The following ACOT1 variants were observed in gnomAD, a reference collection of about 807,000 sequenced individuals.
The protein encoded by ACOT1 is acyl-CoA thioesterase 1.
Under a neutral mutation model 15.7 loss-of-function variants are expected in ACOT1, and 8 were observed. That is an observed-to-expected ratio of 0.51 (90% CI 0.30 to 0.92). ACOT1 has a LOEUF of 0.92. Ranked by LOEUF, ACOT1 falls within the 40% of genes least tolerant of loss-of-function variation. The pLI, the probability that ACOT1 is intolerant of heterozygous loss-of-function variation, is 0.06. For synonymous variants in ACOT1, 67 were observed against 241.2 expected (o/e 0.28, Z 6.69); for missense variants, 151 against 539.4 (o/e 0.28, Z 7.13).
chr14:73,506,569 G>C, the ACOT1 span: 5 of 1,611,354 alleles, frequency 3.1e-6, no homozygotes, highest in East Asian at 6.7e-5. Flanking sequence ...TGTGTATCAG[G>C]GTCTGAGGAA....
At chr14:73,492,929 C>G in the ACOT1 span, 1 of 1,612,780 alleles carries the variant, frequency 6.2e-7, no homozygotes, top group East Asian at 2.2e-5. This position sits in a 1 kb window ranked among gnomAD's most constrained non-coding sequence, Gnocchi z 4.9. Flanking sequence ...TAAGATGCCT[C>G]TAGCCCTAAA....
chr14:73,523,293 A>G, the ACOT1 span: 1 of 747,280 alleles, frequency 1.3e-6, no homozygotes, highest in Non-Finnish European at 2.1e-6. Flanking sequence ...ATAGCAGTTC[A>G]GAAAGAGAAT....
chr14:73,496,499 A>G, the ACOT1 span: 78 of 711,666 alleles, frequency 1.1e-4, no homozygotes, highest in Non-Finnish European at 1.9e-4. Flanking sequence ...AAGTACTTCT[A>G]TGGTGGGAAA....
At chr14:73,497,617 A>G in the ACOT1 span, among the ~76,000 whole-genome samples, 2 of 152,122 alleles carry the variant, frequency 1.3e-5, no homozygotes. Context: ...ATATATGAAT[A>G]ACTTAAAACC....
chr14:73,522,442 C>A, the ACOT1 span: 3 of 1,614,272 alleles, frequency 1.9e-6, no homozygotes, highest in Non-Finnish European at 2.5e-6. Context: ...ACTGCTGGCG[C>A]AGGAAGCTCT....
At chr14:73,524,318 T>A in the ACOT1 span, among the ~76,000 whole-genome samples, 1,296 of 120,890 alleles carry the variant, frequency 0.011, 10 homozygotes, top group Non-Finnish European at 0.016. Context: ...AAAATATATA[T>A]ATATATATAT....
At chr14:73,517,982 A>G in the ACOT1 span, among the ~76,000 whole-genome samples, 1 of 152,166 alleles carries the variant, frequency 6.6e-6, no homozygotes, top group East Asian at 1.9e-4. Context: ...GCTACTCGTG[A>G]GGCAGAGGCA....
the ACOT1 span, among the ~76,000 whole-genome samples, chr14:73,524,483 T>C: frequency 6.6e-6 from 1 of 151,026 alleles, no homozygotes; most frequent in Non-Finnish European, 1.5e-5. Flanking sequence ...TTTGTTTTGT[T>C]TTCCTTTTGA....
At chr14:73,509,377 C>G in the ACOT1 span, 1 of 1,614,096 alleles carries the variant, frequency 6.2e-7, no homozygotes, top group Middle Eastern at 1.7e-4. Context: ...GGCATATTGG[C>G]ATATTGCTGC....
At chr14:73,518,247 C>A in the ACOT1 span, among the ~76,000 whole-genome samples, 404 of 152,084 alleles carry the variant, frequency 2.7e-3, 1 homozygote, top group African/African-American at 8.4e-3. Flanking sequence ...GCAGGCCAGG[C>A]AACCCTGTCA....
At chr14:73,509,858 ATATATATATATTTATT>A in the ACOT1 span, among the ~76,000 whole-genome samples, 221 of 59,188 alleles carry the variant, frequency 3.7e-3, 12 homozygotes, top group Non-Finnish European at 5.8e-3. Context: ...ATATATATAT[ATATATATATATTTATT>A]TATTTTATAT....
the ACOT1 span, chr14:73,492,226 C>T: frequency 5.0e-6 from 8 of 1,614,066 alleles, no homozygotes; most frequent in Non-Finnish European, 5.9e-6. The surrounding 1 kb of genome is among the most constrained non-coding windows in gnomAD (Gnocchi z 4.9). Context: ...CTCGGGGCTT[C>T]ATTCACCAAG....
chr14:73,503,067 G>T, the ACOT1 span: 2 of 1,379,886 alleles, frequency 1.4e-6, no homozygotes, highest in Non-Finnish European at 2.1e-6. Context: ...TTAATTTTGT[G>T]CTTGGCGTTG....
chr14:73,521,085 G>A, the ACOT1 span: 11 of 1,520,174 alleles, frequency 7.2e-6, no homozygotes, highest in Non-Finnish European at 1.0e-5. Context: ...AGAGTAGGAG[G>A]TGGATCCCCC....
the ACOT1 span, among the ~76,000 whole-genome samples, chr14:73,499,358 G>A: frequency 6.6e-6 from 1 of 152,174 alleles, no homozygotes; most frequent in Non-Finnish European, 1.5e-5. Flanking sequence ...TCACACGCCT[G>A]TAATCCCAGC....
the ACOT1 span, among the ~76,000 whole-genome samples, chr14:73,498,615 A>T: frequency 6.6e-6 from 1 of 152,220 alleles, no homozygotes; most frequent in Non-Finnish European, 1.5e-5. Context: ...CAGCAGGGTG[A>T]TGGGGAAAGG....
chr14:73,502,470 A>C, the ACOT1 span, among the ~76,000 whole-genome samples: 1 of 151,872 alleles, frequency 6.6e-6, no homozygotes, highest in Non-Finnish European at 1.5e-5. Context: ...AGGGACTGTT[A>C]ATTTTTTACA....
the ACOT1 span, among the ~76,000 whole-genome samples, chr14:73,506,175 C>G: frequency 6.6e-6 from 1 of 152,136 alleles, no homozygotes; most frequent in African/African-American, 2.4e-5. Flanking sequence ...AGATGTGAGC[C>G]ACCGCACCCG....
the ACOT1 span, among the ~76,000 whole-genome samples, chr14:73,523,820 GT>G: frequency 6.6e-6 from 1 of 152,104 alleles, no homozygotes; most frequent in African/African-American, 2.4e-5. Flanking sequence ...TCATACCCAA[GT>G]TTATAAATTC....
Sources: allele counts gnomAD v4.1 joint callset (sites outside exome capture counted in the v4.1 genomes callset), GRCh38; gene constraint gnomAD v4.1.1; non-coding constraint Gnocchi (gnomAD v3.1); transcripts MANE v1.5; gene names NCBI Gene and HGNC (gene_info 2026-07-23, HGNC 2026-07-21).